The following COP1 variants were observed in gnomAD, a reference collection of about 807,000 sequenced individuals.
COP1 encodes the protein COP1 E3 ubiquitin ligase, also known as E3 ubiquitin-protein ligase COP1.
COP1 carries 24 observed loss-of-function variants against 101.3 expected under a neutral mutation model. The ratio of observed to expected loss-of-function variants is 0.24; its 90% CI spans 0.17 to 0.33. COP1 has a LOEUF of 0.33. COP1 is among the 10% of genes least tolerant of loss of function. COP1 has a pLI of 1.00. For synonymous variants in COP1, 347 were observed against 341.9 expected, an observed-to-expected ratio of 1.01 and a Z score of -0.17; for missense variants, 663 against 906.2, an observed-to-expected ratio of 0.73 and a Z score of 3.45.
At chr1:176,036,507 C>CAAAAAAAAAAAAAAA (rs77138527) in intron 14 of COP1, among the ~76,000 whole-genome samples, 2 of 127,328 alleles carry the variant, frequency 1.6e-5, no homozygotes, top group African/African-American at 6.1e-5. Context: ...AACAAAAAAA[C>CAAAAAAAAAAAAAAA]AAAAAAAAAA....
intron 6 of COP1, among the ~76,000 whole-genome samples, chr1:176,141,214 G>A (rs1392566859): frequency 1.3e-5 from 2 of 152,106 alleles, no homozygotes; most frequent in Non-Finnish European, 2.9e-5. Flanking sequence ...TTTAAAAATC[G>A]AGCAAGGCTA....
At chr1:176,030,527 G>C (rs933782419) in intron 14 of COP1, among the ~76,000 whole-genome samples, 2 of 152,128 alleles carry the variant, frequency 1.3e-5, no homozygotes, top group African/African-American at 4.8e-5. Flanking sequence ...TAAGTTAGAA[G>C]GGTGGCAGGT....
chr1:175,990,768 C>A (rs569817558), intron 15 of COP1, among the ~76,000 whole-genome samples: 4 of 151,966 alleles, frequency 2.6e-5, no homozygotes, highest in Non-Finnish European at 4.4e-5. Context: ...ATATTCTGTT[C>A]GACCTAAATA....
At chr1:176,004,418 C>T (rs1214735630) in intron 15 of COP1, among the ~76,000 whole-genome samples, 1 of 122,186 alleles carries the variant, frequency 8.2e-6, no homozygotes, top group Admixed American at 8.9e-5. Context: ...GAGGGCATCC[C>T]TGTCTTGTGC....
intron 15 of COP1, among the ~76,000 whole-genome samples, chr1:175,993,439 C>T (rs893747953): frequency 1.3e-5 from 2 of 152,142 alleles, no homozygotes; most frequent in Non-Finnish European, 2.9e-5. Flanking sequence ...GATGATCAAA[C>T]TACTCTGAGC....
chr1:176,120,023 T>C (rs1686846627), intron 8 of COP1, among the ~76,000 whole-genome samples: 1 of 152,204 alleles, frequency 6.6e-6, no homozygotes, highest in Admixed American at 6.5e-5. Context: ...AGGCACCTTA[T>C]GTTCTCTAAC....
chr1:176,122,410 C>T (rs528112920), intron 8 of COP1, among the ~76,000 whole-genome samples: 1 of 152,214 alleles, frequency 6.6e-6, no homozygotes, highest in South Asian at 2.1e-4. Flanking sequence ...TATGACTATA[C>T]TCTGACCCAA....
At chr1:176,132,512 T>C (rs933283399) in intron 8 of COP1, among the ~76,000 whole-genome samples, 2 of 150,632 alleles carry the variant, frequency 1.3e-5, no homozygotes, top group Non-Finnish European at 3.0e-5. Context: ...TGTATGTGTG[T>C]GTGTATATAC....
chr1:176,141,879 C>T (rs544785266), intron 6 of COP1, among the ~76,000 whole-genome samples: 3 of 151,898 alleles, frequency 2.0e-5, no homozygotes, highest in Non-Finnish European at 4.4e-5. Flanking sequence ...TACAGGCACA[C>T]GCCCCTATGC....
intron 9 of COP1, among the ~76,000 whole-genome samples, chr1:176,109,066 C>G (rs192122553): frequency 1.4e-3 from 219 of 152,172 alleles, no homozygotes; most frequent in African/African-American, 4.8e-3. Context: ...GAGCTGAGAT[C>G]ACGTCACTGC....
Position 176,206,837 on chromosome 1 carries a change from C to T in COP1, c.142G>A (p.Val48Met). Reference protein sequence around the residue: ...PSVAVSAAALVSGGVAQAAGS... With the variant: ...PSVAVSAAALMSGGVAQAAGS... The stretch of plus-strand genomic sequence containing the variant: ...GCGGCCTGGGCCACCCCGCCGGACA[C>T]CAGCGCTGCCGCCGAAACCGCCACG... The change falls in exon 1 of 20, where the codon GTG (valine) becomes ATG (methionine). Residue 48 changes from valine (V) to methionine (M), a missense_variant. By Grantham distance (21) the Val-to-Met change is conservative. This residue lies in a region of COP1 where 204 missense variants were observed against 203.6 expected (regional missense o/e 1.00). Coordinates refer to ENST00000367669, the MANE Select transcript of COP1 (RefSeq NM_022457.7). The T allele has an allele frequency of 7.0e-7, 1 of 1,423,382 alleles. No individual in the cohort carries two copies. Among genetic ancestry groups the T allele is most frequent in the African/African-American group, 1.5e-5 (1 of 67,126 alleles). The allele number at this position is 1,423,382 out of a possible 1,614,324, so 88.2% of individuals were successfully genotyped here. A position where few individuals can be genotyped will look rare whatever the true frequency, so the allele number is the denominator to read the frequency against.
At chr1:175,978,622 G>A (rs1655109742) in intron 18 of COP1, among the ~76,000 whole-genome samples, 1 of 152,104 alleles carries the variant, frequency 6.6e-6, no homozygotes, top group South Asian at 2.1e-4. Flanking sequence ...GGAAGTCAGG[G>A]TCCATGCTCA....
intron 5 of COP1, among the ~76,000 whole-genome samples, chr1:176,157,053 C>G (rs1234847284): frequency 6.6e-6 from 1 of 151,810 alleles, no homozygotes; most frequent in African/African-American, 2.4e-5. Context: ...TAAAAATTAG[C>G]CGAGGGGGGT....
At chr1:175,988,125 T>C (rs936039218) in intron 17 of COP1, among the ~76,000 whole-genome samples, 163 bp downstream of exon 17, 4 of 152,342 alleles carry the variant, frequency 2.6e-5, no homozygotes, top group East Asian at 1.9e-4. Context: ...GCTCTTCTAG[T>C]ACAACACAAG....
chr1:176,006,861 C>T (rs1454589620), intron 15 of COP1, among the ~76,000 whole-genome samples: 7 of 151,644 alleles, frequency 4.6e-5, no homozygotes, highest in Admixed American at 3.3e-4. Context: ...ATCTTTGTGG[C>T]GTTCTCTGTA....
chr1:176,138,725 ACT>A (rs909331455), intron 6 of COP1, among the ~76,000 whole-genome samples: 23 of 151,838 alleles, frequency 1.5e-4, no homozygotes, highest in Non-Finnish European at 2.6e-4. Flanking sequence ...CATAAAAACC[ACT>A]CTGTCTAGCT....
chr1:176,036,281 A>G (rs1291047086), intron 14 of COP1, among the ~76,000 whole-genome samples: 6 of 151,982 alleles, frequency 3.9e-5, no homozygotes, highest in African/African-American at 1.2e-4. Context: ...AACCCAAAGC[A>G]AGAAGAAAAA....
intron 14 of COP1, among the ~76,000 whole-genome samples, chr1:176,038,409 G>GA (rs1669939427): frequency 6.6e-6 from 1 of 152,146 alleles, no homozygotes; most frequent in Admixed American, 6.5e-5. Context: ...AAATGTATAT[G>GA]AAAAGGCAAA....
intron 11 of COP1, among the ~76,000 whole-genome samples, chr1:176,051,536 T>C (rs1388409663): frequency 6.6e-6 from 1 of 152,208 alleles, no homozygotes; most frequent in Non-Finnish European, 1.5e-5. Context: ...GTATTTACTA[T>C]ACTATACATT....
Sources: allele counts gnomAD v4.1 joint callset (sites outside exome capture counted in the v4.1 genomes callset), GRCh38; gene constraint gnomAD v4.1.1; regional missense constraint gnomAD v4.1.1; transcripts MANE v1.5; gene names NCBI Gene and HGNC (gene_info 2026-07-23, HGNC 2026-07-21).